Variants in ALG9 observed in about 807,000 individuals in gnomAD.
ALG9 encodes alpha-1,2-mannosyltransferase ALG9.
In ALG9, 55 loss-of-function variants were observed where a neutral mutation model predicts 81.8. The ratio of observed to expected loss-of-function variants is 0.67; its 90% CI spans 0.54 to 0.84. The LOEUF (loss-of-function observed/expected upper bound fraction) is 0.84, where lower values mean the gene tolerates loss of function less well. Ranked by LOEUF, ALG9 falls within the 40% of genes least tolerant of loss-of-function variation. The pLI, the probability that ALG9 is intolerant of heterozygous loss-of-function variation, is 0.00. For missense variants in ALG9, 629 were observed against 745.0 expected (o/e 0.84, Z 1.81); for synonymous variants, 278 against 274.3 (o/e 1.01, Z -0.13).
chr11:111,844,023 G>C (rs1177086857), intron 9 of ALG9, among the ~76,000 whole-genome samples: 1 of 152,052 alleles, frequency 6.6e-6, no homozygotes, highest in Non-Finnish European at 1.5e-5. Flanking sequence ...TTTTTTTTGA[G>C]ATGGAGTTTT....
chr11:111,840,954 C>T, intron 9 of ALG9, 145 bp from the exon 10 acceptor site: 4 of 975,106 alleles, frequency 4.1e-6, no homozygotes, highest in Non-Finnish European at 6.2e-6. Flanking sequence ...ACACTTTCTC[C>T]AATGCCATAA....
intron 13 of ALG9, among the ~76,000 whole-genome samples, chr11:111,835,184 T>C (rs75164662): frequency 6.6e-6 from 1 of 152,374 alleles, no homozygotes; most frequent in Non-Finnish European, 1.5e-5. Flanking sequence ...ATTTAAACTG[T>C]TACATATTTC....
chr11:111,812,594 G>A (rs1950883643), intron 13 of ALG9, among the ~76,000 whole-genome samples: 1 of 151,964 alleles, frequency 6.6e-6, no homozygotes, highest in Admixed American at 6.6e-5. Context: ...ACAACAAGGT[G>A]GGGGCTTAGT....
chr11:111,814,997 T>C (rs1300541235), intron 13 of ALG9, among the ~76,000 whole-genome samples: 1 of 152,220 alleles, frequency 6.6e-6, no homozygotes, highest in Non-Finnish European at 1.5e-5. Context: ...TATGACATTT[T>C]AATACTTGAC....
At chr11:111,837,425 T>A in intron 12 of ALG9, 43 bp downstream of exon 12, 3 of 1,610,364 alleles carry the variant, frequency 1.9e-6, no homozygotes, top group Non-Finnish European at 2.5e-6. Flanking sequence ...ACTGCTCTAT[T>A]TACTCCTTCA....
chr11:111,803,434 G>C (rs1949436030), intron 14 of ALG9, among the ~76,000 whole-genome samples: 1 of 150,728 alleles, frequency 6.6e-6, no homozygotes, highest in Non-Finnish European at 1.5e-5. Context: ...CCGGGAGGCA[G>C]AGGTTGCAAC....
At chr11:111,863,407 C>T (rs1454090742) in intron 4 of ALG9, among the ~76,000 whole-genome samples, 2 of 152,044 alleles carry the variant, frequency 1.3e-5, no homozygotes, top group African/African-American at 4.8e-5. Flanking sequence ...GCTTGAAGGA[C>T]CACATAGGTG....
chr11:111,794,526 C>A (rs1178170675), intron 14 of ALG9, among the ~76,000 whole-genome samples: 2 of 152,132 alleles, frequency 1.3e-5, no homozygotes, highest in African/African-American at 4.8e-5. Flanking sequence ...TTCAAGCAAT[C>A]CTGTGGCCTC....
Position 111,857,742 on chromosome 11 carries a change from A to G in ALG9, c.566-5T>C, listed in dbSNP as rs782094118. 1.2e-6 allele frequency: 2 copies of G among 1,613,990 alleles called. No homozygotes were observed. The highest frequency in any genetic ancestry group is 1.1e-5 in the South Asian group (1 of 91,062). ...AGAAGCTACTAGGAAGGAATGCTGC[A>G]AGAGTAAAGAAGTGAAAAAAGGCAG... On this transcript the variant is annotated splice_polypyrimidine_tract_variant and splice_region_variant and intron_variant, in intron 5 of 14. Transcript: ENST00000616540.
At chr11:111,796,200 T>C (rs879946845) in intron 14 of ALG9, among the ~76,000 whole-genome samples, 1 of 152,248 alleles carries the variant, frequency 6.6e-6, no homozygotes, top group Non-Finnish European at 1.5e-5. Flanking sequence ...TTCTATTTAG[T>C]ATAAATCCAG....
intron 13 of ALG9, among the ~76,000 whole-genome samples, chr11:111,824,392 A>T (rs1301855258): frequency 6.6e-6 from 1 of 152,080 alleles, no homozygotes; most frequent in Admixed American, 6.5e-5. Flanking sequence ...CAAAATCTCC[A>T]TTTTTTTCTT....
At chr11:111,859,159 T>C (rs576388445) in intron 5 of ALG9, among the ~76,000 whole-genome samples, 5 of 152,298 alleles carry the variant, frequency 3.3e-5, no homozygotes, top group South Asian at 2.1e-4. Flanking sequence ...TGAGCTACGA[T>C]TGTGCCACTG....
At chr11:111,810,483 C>T (rs781910160) in intron 13 of ALG9, among the ~76,000 whole-genome samples, 5 of 152,100 alleles carry the variant, frequency 3.3e-5, no homozygotes, top group African/African-American at 4.8e-5. Context: ...GAGCCAGGTC[C>T]GGTGACTCTC....
chr11:111,805,935 C>A (rs910975074), intron 14 of ALG9, among the ~76,000 whole-genome samples: 1 of 152,144 alleles, frequency 6.6e-6, no homozygotes, highest in Non-Finnish European at 1.5e-5. Context: ...TGGCTCACTG[C>A]GACTTCCGCC....
In ALG9 at chr11:111,838,303, T is replaced by C. The variant is rs1555119745; in HGVS notation, c.1270A>G (p.Thr424Ala). Residue 424 changes from threonine (T) to alanine (A), a missense_variant, in exon 11 of 15, where the codon ACT becomes GCT. Transcript: ENST00000616540. ...TVTSNWLALG[T>A]VFLFGLLSFS... Reference sequence around the variant, plus strand: ...GACAAGAGCCCAAACAGGAAGACAGTTCCTAATGCCAGCCAATTCGATGTC... The same window carrying C: ...GACAAGAGCCCAAACAGGAAGACAGCTCCTAATGCCAGCCAATTCGATGTC... The C allele has an allele frequency of 6.2e-7, 1 of 1,614,034 alleles. No homozygotes were observed. Among genetic ancestry groups the C allele is most frequent in the Admixed American group, 1.7e-5 (1 of 60,006 alleles).
intron 11 of ALG9, 27 bp downstream of exon 11, chr11:111,838,222 A>G: frequency 6.2e-7 from 1 of 1,613,332 alleles, no homozygotes; most frequent in Admixed American, 1.7e-5. Context: ...TCGTCAGTGT[A>G]GGTTAAGATA....
intron 14 of ALG9, among the ~76,000 whole-genome samples, chr11:111,805,677 T>C (rs1949817343): frequency 6.6e-6 from 1 of 152,200 alleles, no homozygotes; most frequent in Admixed American, 6.5e-5. Context: ...AGCATGGAAG[T>C]AGAACAGAGT....
chr11:111,771,615 T>TC, the ALG9 span, among the ~76,000 whole-genome samples: 1 of 151,968 alleles, frequency 6.6e-6, no homozygotes, highest in Non-Finnish European at 1.5e-5. Flanking sequence ...CAGACTGTTG[T>TC]CCCCCTGAAA....
At chr11:111,853,511 G>T (rs782626624) in intron 7 of ALG9, 26 bp from the exon 8 acceptor site, 4 of 1,595,490 alleles carry the variant, frequency 2.5e-6, no homozygotes. Context: ...AAATAGTTTT[G>T]ATCTAGAAAC....
Sources: allele counts gnomAD v4.1 joint callset (sites outside exome capture counted in the v4.1 genomes callset), GRCh38; gene constraint gnomAD v4.1.1; transcripts MANE v1.5; gene names NCBI Gene and HGNC (gene_info 2026-07-23, HGNC 2026-07-21).